SPAST: variants seen among roughly 807,000 people sequenced by gnomAD.
SPAST encodes spastic paraplegia 4 (autosomal dominant; spastin).
SPAST carries 30 observed loss-of-function variants against 76.6 expected under a neutral mutation model. That is an observed-to-expected ratio of 0.39 (90% CI 0.29 to 0.53). The LOEUF is 0.53. SPAST is among the 20% of genes least tolerant of loss of function. The pLI, the probability that SPAST is intolerant of heterozygous loss-of-function variation, is 0.68. For synonymous variants in SPAST, 305 were observed against 281.0 expected, an observed-to-expected ratio of 1.09 and a Z score of -0.86; for missense variants, 717 against 770.5, an observed-to-expected ratio of 0.93 and a Z score of 0.82.
chr2:32,080,323 A>G (rs140644591), intron 1 of SPAST, among the ~76,000 whole-genome samples: 5 of 151,722 alleles, frequency 3.3e-5, no homozygotes, highest in East Asian at 3.9e-4. Flanking sequence ...CAGCATAACT[A>G]CTCAACCCTG....
intron 7 of SPAST, among the ~76,000 whole-genome samples, chr2:32,121,333 A>G (rs1679011343): frequency 6.6e-6 from 1 of 151,180 alleles, no homozygotes; most frequent in African/African-American, 2.4e-5. Context: ...TTGTATTTTT[A>G]GTAGAGACGG....
At chr2:32,083,730 ACTATATATAT>A (rs1677335660) in intron 1 of SPAST, among the ~76,000 whole-genome samples, 1 of 81,124 alleles carries the variant, frequency 1.2e-5, no homozygotes, top group Non-Finnish European at 2.4e-5. Context: ...ATTTATATAT[ACTATATATAT>A]TTATATATAC....
intron 1 of SPAST, among the ~76,000 whole-genome samples, chr2:32,071,365 TTGTC>T (rs1676743783): frequency 1.3e-5 from 2 of 152,214 alleles, no homozygotes; most frequent in Non-Finnish European, 2.9e-5. Context: ...AAGACAGAAA[TTGTC>T]TAAGTAAAAT....
At chr2:32,124,073 A>G (rs957092587) in intron 7 of SPAST, among the ~76,000 whole-genome samples, 1 of 152,160 alleles carries the variant, frequency 6.6e-6, no homozygotes, top group African/African-American at 2.4e-5. Context: ...TGCTGTTAGG[A>G]GAATGAAAAG....
intron 2 of SPAST, 133 bp downstream of exon 2, chr2:32,087,711 T>TC: frequency 2.6e-6 from 1 of 382,020 alleles, no homozygotes; most frequent in South Asian, 3.8e-5. Flanking sequence ...TTTTTTTTTT[T>TC]TGAGACAGGG....
intron 1 of SPAST, among the ~76,000 whole-genome samples, chr2:32,083,748 TACTATATATATATATATA>T (rs1677343483): frequency 3.5e-5 from 2 of 57,824 alleles, no homozygotes; most frequent in African/African-American, 1.3e-4. Flanking sequence ...TATTTATATA[TACTATATATATATATATA>T]TATATATATA....
chr2:32,066,071 G>C (rs1167039579), intron 1 of SPAST: 1 of 149,828 alleles, frequency 6.7e-6, no homozygotes, highest in Non-Finnish European at 1.5e-5. Flanking sequence ...CCTCCCAGAC[G>C]CAGGCGATTC....
At chr2:32,114,268 G>A (rs1230814645) in intron 4 of SPAST, among the ~76,000 whole-genome samples, 1 of 152,000 alleles carries the variant, frequency 6.6e-6, no homozygotes, top group Non-Finnish European at 1.5e-5. Flanking sequence ...TAATTAGTCC[G>A]GTCTGGTGGT....
rs188446799 is a variant in SPAST, at chr2:32,114,602, T to C, written c.683-36T>C. The C allele has an allele frequency of 8.3e-6, 13 of 1,568,052 alleles. No homozygotes were observed. In the East Asian group the frequency reaches 2.5e-4, roughly 30 times the overall value. ...GCTTGTCTTTATGTTCAGCTACAAT[T>C]TTCTAATCACAATGGTTTTACTTTT... On this transcript the variant is annotated intron_variant, in intron 4 of 16. Transcript: ENST00000315285.
At position 32,107,600 on chromosome 2, in the gene SPAST, C is replaced by T. The variant is rs569857882; in HGVS notation, c.683-7038C>T. ...GCTGACATGATGCTCAAAGGAAATA[C>T]TGGAGTATTTTGCATTTTGGATTTT... On this transcript the variant is annotated intron_variant, in intron 4 of 16. Coordinates refer to ENST00000315285, the MANE Select transcript of SPAST (RefSeq NM_014946.4). Among the ~76,000 whole-genome samples the T allele has an allele frequency of 5.3e-5, 8 of 152,230 alleles. No homozygotes were observed. In the South Asian group the frequency reaches 1.0e-3, roughly 20 times the overall value.
intron 8 of SPAST, 172 bp downstream of exon 8, chr2:32,127,194 C>T (rs528226556): frequency 3.6e-5 from 22 of 611,280 alleles, no homozygotes; most frequent in African/African-American, 1.1e-4. Flanking sequence ...CTGGGCTCAC[C>T]GCAACCTCCG....
chr2:32,098,120 G>T (rs1416904170), intron 3 of SPAST, among the ~76,000 whole-genome samples: 1 of 151,942 alleles, frequency 6.6e-6, no homozygotes, highest in Non-Finnish European at 1.5e-5. Context: ...TTTATTATAA[G>T]TTGCTAATTA....
chr2:32,075,428 A>G, intron 1 of SPAST, among the ~76,000 whole-genome samples: 1 of 82,030 alleles, frequency 1.2e-5, no homozygotes, highest in Non-Finnish European at 2.7e-5. Context: ...TCTGTCTCAA[A>G]AAAAAAAAAA....
intron 14 of SPAST, 48 bp downstream of exon 14, chr2:32,143,463 G>T (rs1291567424): frequency 9.0e-7 from 1 of 1,107,736 alleles, no homozygotes; most frequent in Admixed American, 1.9e-5. Flanking sequence ...TTTATTTTTT[G>T]TAAATAATTC....
intron 3 of SPAST, among the ~76,000 whole-genome samples, chr2:32,093,396 T>A (rs1184411624): frequency 6.6e-6 from 1 of 151,354 alleles, no homozygotes; most frequent in African/African-American, 2.4e-5. Context: ...GCATGAGAAT[T>A]GCTCGAGCCT....
intron 1 of SPAST, among the ~76,000 whole-genome samples, chr2:32,072,515 C>T (rs1180454954): frequency 6.6e-6 from 1 of 152,152 alleles, no homozygotes; most frequent in Non-Finnish European, 1.5e-5. Context: ...GAGTCATGTC[C>T]AACCCCCACT....
intron 7 of SPAST, 21 bp downstream of exon 7, chr2:32,116,233 T>C: frequency 6.8e-7 from 1 of 1,460,492 alleles, no homozygotes; most frequent in Non-Finnish European, 9.6e-7. Context: ...TATATTATCA[T>C]TTTTCTATAA....
chr2:32,073,483 T>A (rs1285641960), intron 1 of SPAST, among the ~76,000 whole-genome samples: 2 of 152,078 alleles, frequency 1.3e-5, no homozygotes, highest in Non-Finnish European at 2.9e-5. Context: ...TTCTTCACTC[T>A]TTTTTTTAAA....
chr2:32,148,773 T>C (rs1679978503), intron 16 of SPAST, among the ~76,000 whole-genome samples: 1 of 149,036 alleles, frequency 6.7e-6, no homozygotes, highest in Non-Finnish European at 1.5e-5. Flanking sequence ...ATCGTGCCAC[T>C]GCACTCCAGC....
Sources: gnomAD v4.1 joint callset for allele counts (sites outside exome capture counted in the v4.1 genomes callset) on GRCh38, gnomAD v4.1.1 for gene constraint, MANE v1.5 for transcripts, NCBI Gene and HGNC (gene_info 2026-07-23, HGNC 2026-07-21) for gene names.